DACH1: variants seen among roughly 807,000 people sequenced by gnomAD.
DACH1 encodes the protein dachshund homolog 1.
A neutral mutation model predicts 54.2 loss-of-function variants in DACH1; 12 were observed. The observed-to-expected ratio is 0.22, with a 90% CI of 0.14 to 0.36. DACH1 has a LOEUF of 0.36. Among genes scored for constraint, DACH1 ranks in the 10% least tolerant of loss-of-function variants. The pLI, the probability that DACH1 is intolerant of heterozygous loss-of-function variation, is 1.00. For synonymous variants in DACH1, 386 were observed against 366.2 expected, an observed-to-expected ratio of 1.05 and a Z score of -0.62; for missense variants, 805 against 929.8, an observed-to-expected ratio of 0.87 and a Z score of 1.75.
At chr13:71,692,103 T>C (rs772108188) in intron 1 of DACH1, among the ~76,000 whole-genome samples, 1 of 151,994 alleles carries the variant, frequency 6.6e-6, no homozygotes, top group African/African-American at 2.4e-5. Context: ...TGAGTACTTA[T>C]AACATCTAAT....
intron 1 of DACH1, among the ~76,000 whole-genome samples, chr13:71,720,908 G>A (rs1172701675): frequency 1.3e-5 from 2 of 152,072 alleles, no homozygotes; most frequent in African/African-American, 4.8e-5. Flanking sequence ...CCAGATAAAT[G>A]TCCCTGTCAT....
At chr13:71,864,403 G>A (rs1874574750) in intron 1 of DACH1, among the ~76,000 whole-genome samples, 1 of 151,960 alleles carries the variant, frequency 6.6e-6, no homozygotes, top group South Asian at 2.1e-4. Flanking sequence ...TTTCTCCATG[G>A]AAAAAAGAGC....
chr13:71,444,224 T>C (rs541217035), intron 10 of DACH1, among the ~76,000 whole-genome samples: 2 of 152,284 alleles, frequency 1.3e-5, no homozygotes, highest in South Asian at 4.1e-4. Flanking sequence ...TAAAGTAACA[T>C]TGATTTGTTT....
intron 6 of DACH1, among the ~76,000 whole-genome samples, chr13:71,542,387 T>C (rs1883193225): frequency 6.6e-6 from 1 of 152,056 alleles, no homozygotes; most frequent in African/African-American, 2.4e-5. Context: ...AATATGAAAA[T>C]ATAACTTATT....
rs1482762174 is a variant in DACH1, at chr13:71,497,457, G to A, written c.1571-8309C>T. Reference sequence around the variant, plus strand: ...GGTGGTTCTCCTGCCTCAGCCTCCCGAGTAGCTGGGGTTACAGATATGGGC... The same window carrying A: ...GGTGGTTCTCCTGCCTCAGCCTCCCAAGTAGCTGGGGTTACAGATATGGGC... On this transcript the variant is annotated intron_variant, in intron 6 of 10. Transcript: ENST00000613252. Among the ~76,000 whole-genome samples the A allele has an allele frequency of 4.0e-5, 6 of 151,778 alleles. No individual in the cohort carries two copies. The East Asian group carries it at 9.8e-4, about 25-fold the overall frequency.
chr13:71,761,781 G>A (rs1011521504), intron 1 of DACH1, among the ~76,000 whole-genome samples: 7 of 151,994 alleles, frequency 4.6e-5, no homozygotes, highest in African/African-American at 1.7e-4. Flanking sequence ...TATTGATGGT[G>A]TTTATAATTT....
chr13:71,552,842 T>G (rs12868546), intron 6 of DACH1, among the ~76,000 whole-genome samples: 1,629 of 12,200 alleles, frequency 0.13, 152 homozygotes, highest in Non-Finnish European at 0.17. Flanking sequence ...TATATATATA[T>G]AGAGAGAGAG....
chr13:71,823,046 G>A (rs1888251612), intron 1 of DACH1, among the ~76,000 whole-genome samples: 1 of 152,002 alleles, frequency 6.6e-6, no homozygotes, highest in Non-Finnish European at 1.5e-5. Context: ...AAAAGCGGTG[G>A]CATGCCCTGA....
intron 1 of DACH1, among the ~76,000 whole-genome samples, chr13:71,688,477 AC>A (rs1347650248): frequency 6.6e-6 from 1 of 152,274 alleles, no homozygotes; most frequent in East Asian, 1.9e-4. Context: ...TGAGGGATAC[AC>A]TTTTTAAAAT....
chr13:71,459,990 A>G (rs1875930243), intron 10 of DACH1, among the ~76,000 whole-genome samples: 1 of 152,030 alleles, frequency 6.6e-6, no homozygotes, highest in Admixed American at 6.6e-5. Flanking sequence ...AGGAACCACT[A>G]GGCTATGAGA....
chr13:71,535,771 T>C (rs953619267), intron 6 of DACH1, among the ~76,000 whole-genome samples: 1 of 152,034 alleles, frequency 6.6e-6, no homozygotes, highest in Non-Finnish European at 1.5e-5. Flanking sequence ...ACTGGAAATA[T>C]TTGTATAAAT....
chr13:71,542,274 G>GATAC (rs1445106053), intron 6 of DACH1, among the ~76,000 whole-genome samples: 2 of 151,466 alleles, frequency 1.3e-5, no homozygotes, highest in Non-Finnish European at 2.9e-5. Flanking sequence ...TACATACATA[G>GATAC]ATACATACAT....
intron 10 of DACH1, among the ~76,000 whole-genome samples, chr13:71,445,766 C>G (rs1424745830): frequency 1.3e-5 from 2 of 152,016 alleles, no homozygotes; most frequent in Admixed American, 1.3e-4. Context: ...TATAATGTTC[C>G]AGAGAAGTTA....
At chr13:71,769,086 A>G (rs1885750563) in intron 1 of DACH1, among the ~76,000 whole-genome samples, 1 of 151,804 alleles carries the variant, frequency 6.6e-6, no homozygotes, top group Non-Finnish European at 1.5e-5. Flanking sequence ...TTGTATAAGC[A>G]TTCAGTACAA....
intron 3 of DACH1, among the ~76,000 whole-genome samples, chr13:71,626,120 C>T (rs1404842274): frequency 1.3e-5 from 2 of 151,830 alleles, no homozygotes; most frequent in African/African-American, 2.4e-5. Context: ...TTATACTCCA[C>T]AAAATGTTGC....
chr13:71,792,920 A>G (rs1291429951), intron 1 of DACH1, among the ~76,000 whole-genome samples: 1 of 152,176 alleles, frequency 6.6e-6, no homozygotes, highest in Non-Finnish European at 1.5e-5. Context: ...TAAGTAGCCT[A>G]CAGTGGACTA....
intron 1 of DACH1, among the ~76,000 whole-genome samples, chr13:71,826,350 A>G (rs1488182794): frequency 6.6e-6 from 1 of 152,110 alleles, no homozygotes; most frequent in East Asian, 1.9e-4. Context: ...CCTACTTTTC[A>G]AGAATTTTCT....
chr13:71,773,965 A>G (rs1433253434), intron 1 of DACH1, among the ~76,000 whole-genome samples: 1 of 142,570 alleles, frequency 7.0e-6, no homozygotes, highest in Non-Finnish European at 1.5e-5. Flanking sequence ...CAGTCACTCT[A>G]TTGCCTGTTT....
intron 10 of DACH1, among the ~76,000 whole-genome samples, chr13:71,445,476 A>G (rs1047207123): frequency 6.6e-6 from 1 of 152,152 alleles, no homozygotes; most frequent in Non-Finnish European, 1.5e-5. Flanking sequence ...GGACAAATGT[A>G]TCAAGCATTA....
Sources: allele counts gnomAD v4.1 joint callset (sites outside exome capture counted in the v4.1 genomes callset), GRCh38; gene constraint gnomAD v4.1.1; transcripts MANE v1.5; gene names NCBI Gene and HGNC (gene_info 2026-07-23, HGNC 2026-07-21).